GPS1: variants seen among roughly 807,000 people sequenced by gnomAD.
The protein encoded by GPS1 is COP9 signalosome complex subunit 1.
Under a neutral mutation model 60.0 loss-of-function variants are expected in GPS1, and 11 were observed. The ratio of observed to expected loss-of-function variants is 0.18; its 90% CI spans 0.12 to 0.30. GPS1 has a LOEUF of 0.30. Ranked by LOEUF, GPS1 falls within the 10% of genes least tolerant of loss-of-function variation. The pLI, the probability that GPS1 is intolerant of heterozygous loss-of-function variation, is 1.00. For synonymous variants in GPS1, 343 were observed against 269.8 expected (o/e 1.27, Z -2.66); for missense variants, 543 against 669.2 (o/e 0.81, Z 2.08).
chr17:82,056,748 T>C lies in GPS1; in HGVS notation c.1236T>C (p.Arg412=). 1 of 1,590,756 alleles carries C rather than the reference T, an allele frequency of 6.3e-7. No individual in the cohort carries two copies. The highest frequency in any genetic ancestry group is 1.1e-5 in the South Asian group (1 of 87,374). The change falls in exon 11 of 13, where the codon CGT becomes CGC. Residue 412 remains arginine (R), a synonymous_variant. Coordinates refer to ENST00000578552, the MANE Select transcript of GPS1 (RefSeq NM_001321092.3). ...TCCTGGAGGGGCTGATCAGTGCCCG[T>C]GTGGACTCACACAGCAAGGTGGCTG... ...QLILEGLISA[R]VDSHSKILYA...
Position 82,056,320 on chromosome 17 carries a change from G to A in GPS1, c.964G>A (p.Val322Ile), listed in dbSNP as rs144548476. Residue 322 changes from valine to isoleucine, a missense_variant, in exon 9 of 13, where the codon GTC becomes ATC. Physicochemically the swap from Val to Ile is conservative, Grantham distance 29 (BLOSUM62 3). Around this residue, in one of 3 missense-constraint regions of GPS1, gnomAD observed 291 missense variants for 353.7 expected, o/e 0.82. Coordinates refer to ENST00000578552, the MANE Select transcript of GPS1 (RefSeq NM_001321092.3). The stretch of plus-strand genomic sequence containing the variant: ...GTTGTTCTTGGAGCTGGAGCCACAG[G>A]TCCGAGACATCATCTTCAAATTCTA... ...FKLFLELEPQ[V>I]RDIIFKFYES... 4.9e-4 allele frequency: 798 copies of A among 1,613,230 alleles called. 4 individuals are homozygous for A. In the African/African-American group the frequency reaches 9.1e-3, roughly 18 times the overall value.
rs1598496606 is a variant in GPS1, at chr17:82,053,960, G to A, written c.219G>A (p.Glu73=). The stretch of plus-strand genomic sequence containing the variant: ...ATCACTGCCCCACGCTGCGGGTGGA[G>A]GCCCTGAAGATGGCCCTCTCCTTCG... The part of the protein sequence containing the change: ...IADHCPTLRV[E]ALKMALSFVQ... Residue 73 remains glutamate (E), a synonymous_variant, in exon 3 of 13, where the codon GAG becomes GAA. Coordinates refer to ENST00000578552, the MANE Select transcript of GPS1 (RefSeq NM_001321092.3). 6.2e-7 allele frequency: 1 copy of A among 1,612,948 alleles called. No individual in the cohort carries two copies. Among genetic ancestry groups the A allele is most frequent in the Non-Finnish European group, 8.5e-7 (1 of 1,179,926 alleles).
chr17:82,051,757 C>G (rs1233998350), upstream of GPS1: 2 of 1,091,340 alleles, frequency 1.8e-6, no homozygotes. This position sits in a 1 kb window ranked among gnomAD's most constrained non-coding sequence, Gnocchi z 4.1. Context: ...GCCCCACGCG[C>G]GCGGCTCATG....
At chr17:82,051,414 C>T, upstream of GPS1, 1 of 1,389,030 alleles carries the variant, frequency 7.2e-7, no homozygotes, top group Non-Finnish European at 9.3e-7. The surrounding 1 kb of genome is among the most constrained non-coding windows in gnomAD (Gnocchi z 4.1). Context: ...CCGCGCGGAG[C>T]CTCCGGGGGC....
Position 82,054,584 on chromosome 17 carries a change from A to G in GPS1, c.383A>G (p.Glu128Gly). The G allele has an allele frequency of 6.2e-7, 1 of 1,602,164 alleles. No homozygotes were observed. The change falls in exon 4 of 13, where the codon GAG (glutamate) becomes GGG (glycine). Residue 128 changes from glutamate to glycine, a missense_variant. This residue lies in a region of GPS1 where 181 missense variants were observed against 188.8 expected (regional missense o/e 0.96). Coordinates refer to ENST00000578552, the MANE Select transcript of GPS1 (RefSeq NM_001321092.3). The part of the protein sequence containing the change: ...EPPALDTAWV[E>G]ATRKKALLKL... ...CCAGCCCTGGACACGGCCTGGGTGG[A>G]GGCCACGCGGAAGAAGGCGCTGCTG...
Position 82,056,660 on chromosome 17 carries a change from A to G in GPS1, c.1148A>G (p.His383Arg). The change falls in exon 11 of 13, where the codon CAT (histidine) becomes CGT (arginine). Residue 383 changes from histidine to arginine, a missense_variant. His to Arg is a conservative substitution (Grantham distance 29, BLOSUM62 0). This residue lies in a region of GPS1 where 291 missense variants were observed against 353.7 expected (regional missense o/e 0.82). Transcript: ENST00000578552. ...YFSPYVSADM[H>R]RMAAAFNTTV... ...AGCCCCTACGTGTCAGCCGACATGC[A>G]TAGGATGGCGGCAGCCTTCAATACC... The G allele has an allele frequency of 3.1e-6, 5 of 1,605,990 alleles. No individual in the cohort carries two copies. The highest frequency in any genetic ancestry group is 4.3e-6 in the Non-Finnish European group (5 of 1,175,812).
chr17:82,054,673 C>G lies in GPS1; in HGVS notation c.472C>G (p.Arg158Gly). The G allele has an allele frequency of 6.2e-7, 1 of 1,611,402 alleles. No individual in the cohort carries two copies. The highest frequency in any genetic ancestry group is 8.5e-7 in the Non-Finnish European group (1 of 1,179,870). ...YKGNSIKESI[R>G]RGHDDLGDHY... ...GGGCAACTCCATCAAAGAGAGCATC[C>G]GGCGCGGCCACGACGACCTGGGCGA... Residue 158 changes from arginine (R) to glycine (G), a missense_variant, in exon 4 of 13, where the codon CGG becomes GGG. By Grantham distance (125) the Arg-to-Gly change is moderately radical (BLOSUM62 -2). This residue lies in a region of GPS1 where 71 missense variants were observed against 126.7 expected (regional missense o/e 0.56). Transcript: ENST00000578552.
chr17:82,054,505 C>G lies in GPS1; in HGVS notation c.309-5C>G. The G allele has an allele frequency of 6.6e-7, 1 of 1,509,278 alleles. No homozygotes were observed. The allele number at this position is 1,509,278 out of a possible 1,614,324, so 93.5% of individuals were successfully genotyped here. The stretch of plus-strand genomic sequence containing the variant: ...CGCCATCCTGATGGCCAGGTCCTCT[C>G]TCAGGGAGCTGCAGAACGCACCCGA... On this transcript the variant is annotated splice_region_variant and splice_polypyrimidine_tract_variant and intron_variant, in intron 3 of 12. Transcript: ENST00000578552.
upstream of GPS1, chr17:82,051,565 G>A (rs745892405): frequency 7.1e-5 from 98 of 1,388,086 alleles, no homozygotes; most frequent in Admixed American, 2.3e-3. The surrounding 1 kb of genome is among the most constrained non-coding windows in gnomAD (Gnocchi z 4.1). Context: ...TGGTTCTTCC[G>A]GGTGGTCTTG....
chr17:82,051,235 G>T, upstream of GPS1: 1 of 1,321,930 alleles, frequency 7.6e-7, no homozygotes, highest in South Asian at 2.5e-5. This position sits in a 1 kb window ranked among gnomAD's most constrained non-coding sequence, Gnocchi z 4.1. Flanking sequence ...CCGTGGCTTC[G>T]GAGCGAGAAA....
chr17:82,052,703 C>T, intron 1 of GPS1: 2 of 552,038 alleles, frequency 3.6e-6, no homozygotes, highest in East Asian at 3.1e-5. Context: ...CTTTTCCAGC[C>T]TGCTTTGTGT....
chr17:82,055,344 G>A (rs1288907029), intron 6 of GPS1, 122 bp downstream of exon 6: 25 of 1,033,034 alleles, frequency 2.4e-5, no homozygotes, highest in African/African-American at 4.8e-5. Flanking sequence ...GGCGCAGGAT[G>A]TTGTGGGCAC....
upstream of GPS1, chr17:82,051,712 G>T (rs1337114104): frequency 9.6e-7 from 1 of 1,036,280 alleles, no homozygotes; most frequent in Non-Finnish European, 1.2e-6. This position sits in a 1 kb window ranked among gnomAD's most constrained non-coding sequence, Gnocchi z 4.1. Context: ...AGCGCGGCCA[G>T]GGCCGCGGCC....
At position 82,055,668 on chromosome 17, in the gene GPS1, C is replaced by A. The variant is rs1453479943; in HGVS notation, c.749-72C>A. On this transcript the variant is annotated intron_variant, in intron 6 of 12. Transcript: ENST00000578552. ...GGTCGCGTTCTCCCTGGTTTCCAGG[C>A]GTTAGCGGCTTCCCCAGGCTCTGGG... is the stretch of plus-strand genomic sequence containing the variant. The A allele has an allele frequency of 1.2e-5, 13 of 1,064,646 alleles. 1 individual carries two copies. Among genetic ancestry groups the A allele is most frequent in the Non-Finnish European group, 1.7e-5 (12 of 715,966 alleles). 65.9% of individuals were successfully genotyped at this position (1,064,646 alleles called of 1,614,324 possible). A position where few individuals can be genotyped will look rare whatever the true frequency, so the allele number is the denominator to read the frequency against.
rs937446842 is a variant in GPS1 at position 82,057,458 on chromosome 17, C to T, written c.*331C>T. The T allele has an allele frequency of 4.0e-6, 2 of 505,798 alleles. No individual in the cohort carries two copies. Among genetic ancestry groups the T allele is most frequent in the Non-Finnish European group, 7.7e-6 (2 of 259,368 alleles). The allele number at this position is 505,798 out of a possible 1,614,324, so 31.3% of individuals were successfully genotyped here. ...CAAGTGGGCGGTGTCCATTAAAGAG[C>T]AGACTCAGCGTTGCTCTTGGCTGTT... On this transcript the variant is annotated 3_prime_UTR_variant, in exon 13 of 13. Coordinates refer to ENST00000578552, the MANE Select transcript of GPS1 (RefSeq NM_001321092.3).
intron 1 of GPS1, chr17:82,052,882 A>AG (rs1438554243): frequency 2.5e-5 from 6 of 243,562 alleles, no homozygotes; most frequent in Non-Finnish European, 4.8e-5. Flanking sequence ...CCTGGGGTTG[A>AG]GGTGGCGTCC....
chr17:82,051,938 C>T lies in GPS1; in HGVS notation c.7C>T (p.Leu3=), dbSNP rs2030720253. MP[L]PVQVFNLQGA... ...GCGGCGGGGTGGGTGCAAGATGCCGCTGCCGGTTCAGGTGTTTAACTTGCA... is the reference window on the plus strand; with the variant it reads ...GCGGCGGGGTGGGTGCAAGATGCCGTTGCCGGTTCAGGTGTTTAACTTGCA... Residue 3 remains leucine, a synonymous_variant, in exon 1 of 13, where the codon CTG becomes TTG. Transcript: ENST00000578552. This position sits in a 1 kb window ranked among gnomAD's most constrained non-coding sequence, Gnocchi z 4.1. 1.7e-6 allele frequency: 2 copies of T among 1,166,302 alleles called. No individual in the cohort carries two copies. Among genetic ancestry groups the T allele is most frequent in the African/African-American group, 1.6e-5 (1 of 61,500 alleles). 72.2% of individuals were successfully genotyped at this position (1,166,302 alleles called of 1,614,324 possible). A position where few individuals can be genotyped will look rare whatever the true frequency, so the allele number is the denominator to read the frequency against.
chr17:82,057,021 T>A (rs762378458), intron 12 of GPS1, 32 bp from the exon 13 acceptor site: 1 of 1,610,808 alleles, frequency 6.2e-7, no homozygotes, highest in Admixed American at 1.7e-5. Flanking sequence ...TGGGGCCTGG[T>A]GGCTGTGAGC....
chr17:82,052,167 G>A, intron 1 of GPS1: 2 of 1,218,490 alleles, frequency 1.6e-6, no homozygotes, highest in Non-Finnish European at 2.2e-6. Flanking sequence ...ATCGGGGGCC[G>A]CCGGGCCGCG....
Sources: gnomAD v4.1 joint callset for allele counts on GRCh38, gnomAD v4.1.1 for gene constraint, gnomAD v4.1.1 regional missense constraint, Gnocchi (gnomAD v3.1) non-coding constraint, MANE v1.5 for transcripts, NCBI Gene and HGNC (gene_info 2026-07-23, HGNC 2026-07-21) for gene names.